Variants in PAN3 observed in about 807,000 individuals in gnomAD.
PAN3 encodes poly(A) specific ribonuclease subunit PAN3, also known as PAN2-PAN3 deadenylation complex subunit PAN3.
PAN3 carries 19 observed loss-of-function variants against 96.2 expected under a neutral mutation model. The observed-to-expected ratio is 0.20, with a 90% CI of 0.14 to 0.29. The LOEUF (loss-of-function observed/expected upper bound fraction) is 0.29. Among genes scored for constraint, PAN3 ranks in the 10% least tolerant of loss-of-function variants. The probability of loss-of-function intolerance (pLI) is 1.00; values close to 1 mark genes in which losing one functional copy is unlikely to be tolerated. For synonymous variants in PAN3, 433 were observed against 406.6 expected (o/e 1.06, Z -0.78); for missense variants, 882 against 1,108.1 (o/e 0.80, Z 2.90).
At chr13:28,256,994 T>C (rs533076594) in intron 7 of PAN3, among the ~76,000 whole-genome samples, 7 of 152,164 alleles carry the variant, frequency 4.6e-5, no homozygotes, top group Non-Finnish European at 8.8e-5. Context: ...GATCTGTGGA[T>C]GGTGGAGTGA....
intron 5 of PAN3, among the ~76,000 whole-genome samples, chr13:28,201,185 T>C (rs983846862): frequency 5.3e-5 from 8 of 151,562 alleles, no homozygotes; most frequent in African/African-American, 1.9e-4. Context: ...CAGGCACATA[T>C]CACTGCACCC....
At chr13:28,220,128 A>C (rs759361693) in intron 5 of PAN3, 103 bp from the exon 6 acceptor site, 52 of 1,105,696 alleles carry the variant, frequency 4.7e-5, no homozygotes, top group Middle Eastern at 2.4e-4. Flanking sequence ...TTTCAATAAT[A>C]TATTTTACTT....
intron 5 of PAN3, among the ~76,000 whole-genome samples, chr13:28,205,548 A>G (rs1028563429): frequency 1.3e-5 from 2 of 152,162 alleles, no homozygotes; most frequent in Non-Finnish European, 2.9e-5. Flanking sequence ...TAGAAAGAAT[A>G]AAGTGTGGGC....
At chr13:28,292,152 TACAA>T (rs1256167829) in intron 18 of PAN3, among the ~76,000 whole-genome samples, 1 of 152,116 alleles carries the variant, frequency 6.6e-6, no homozygotes, top group Non-Finnish European at 1.5e-5. Context: ...TAAACTATAA[TACAA>T]ACAAACGTTA....
intron 5 of PAN3, among the ~76,000 whole-genome samples, chr13:28,216,080 C>G (rs1242951842): frequency 1.4e-5 from 2 of 140,900 alleles, no homozygotes; most frequent in African/African-American, 5.8e-5. Context: ...TGTTTTTTTT[C>G]TTTTTTCTTT....
chr13:28,146,390 C>T (rs1566134036), intron 1 of PAN3, among the ~76,000 whole-genome samples: 2 of 151,786 alleles, frequency 1.3e-5, no homozygotes, highest in African/African-American at 4.8e-5. Flanking sequence ...CCCTGCCCCT[C>T]CTCCCCCCAT....
At chr13:28,151,291 A>AGGTG (rs1327516803) in intron 1 of PAN3, among the ~76,000 whole-genome samples, 6 of 152,116 alleles carry the variant, frequency 3.9e-5, no homozygotes, top group African/African-American at 1.4e-4. Context: ...CGAGGTGGGC[A>AGGTG]GATCACCAGG....
intron 12 of PAN3, among the ~76,000 whole-genome samples, chr13:28,270,427 TTAAG>T (rs1345727514): frequency 6.6e-6 from 1 of 152,212 alleles, no homozygotes; most frequent in Non-Finnish European, 1.5e-5. Flanking sequence ...AATTCTTACT[TTAAG>T]TAATTTTTAT....
chr13:28,196,511 A>G (rs552501838), intron 4 of PAN3, among the ~76,000 whole-genome samples: 2 of 151,504 alleles, frequency 1.3e-5, no homozygotes, highest in South Asian at 4.2e-4. Context: ...ATCTGTTCAT[A>G]TTATTGAGAT....
At chr13:28,181,342 C>T (rs999782181) in intron 4 of PAN3, among the ~76,000 whole-genome samples, 1 of 151,834 alleles carries the variant, frequency 6.6e-6, no homozygotes, top group African/African-American at 2.4e-5. Flanking sequence ...GACCTGGTCT[C>T]TACTAAAAGC....
chr13:28,263,725 A>C (rs760144715), intron 9 of PAN3, among the ~76,000 whole-genome samples: 4 of 152,242 alleles, frequency 2.6e-5, no homozygotes, highest in African/African-American at 7.2e-5. Flanking sequence ...AAGAACTTAC[A>C]TGTCTAAAAC....
chr13:28,229,656 A>G (rs1593518950), intron 6 of PAN3, among the ~76,000 whole-genome samples: 2 of 152,344 alleles, frequency 1.3e-5, no homozygotes, highest in Non-Finnish European at 1.5e-5. Context: ...GCCTGAAAGT[A>G]GTGCCTTGAA....
chr13:28,167,333 T>C (rs1429937443), intron 1 of PAN3, among the ~76,000 whole-genome samples: 2 of 151,866 alleles, frequency 1.3e-5, no homozygotes, highest in Non-Finnish European at 2.9e-5. Flanking sequence ...CTGATGTTTG[T>C]ATTTTTAGTA....
chr13:28,179,385 A>G (rs1875467112), intron 4 of PAN3, among the ~76,000 whole-genome samples: 1 of 152,218 alleles, frequency 6.6e-6, no homozygotes, highest in Admixed American at 6.5e-5. Flanking sequence ...AAATTTTCTT[A>G]GGTATTCCCT....
intron 5 of PAN3, 134 bp downstream of exon 5, chr13:28,197,480 C>A: frequency 1.2e-6 from 1 of 813,616 alleles, no homozygotes; most frequent in Non-Finnish European, 1.8e-6. Context: ...AATTTTTAAT[C>A]AGAATAAAGT....
At chr13:28,270,899 T>G in intron 13 of PAN3, 33 bp downstream of exon 13, 1 of 1,596,990 alleles carries the variant, frequency 6.3e-7, no homozygotes, top group South Asian at 1.1e-5. Context: ...TTTCTTTTAT[T>G]GAGCGTCTTA....
At chr13:28,210,557 A>T (rs1019275191) in intron 5 of PAN3, among the ~76,000 whole-genome samples, 72 of 152,224 alleles carry the variant, frequency 4.7e-4, no homozygotes, top group Non-Finnish European at 7.2e-4. Context: ...AAACTATATT[A>T]TTAGACTAAT....
chr13:28,275,515 A>G (rs1204791336), intron 14 of PAN3, among the ~76,000 whole-genome samples: 1 of 152,188 alleles, frequency 6.6e-6, no homozygotes, highest in African/African-American at 2.4e-5. Flanking sequence ...ATAAATAACA[A>G]CAATCTTTGG....
chr13:28,163,229 A>G (rs1194621082), intron 1 of PAN3, among the ~76,000 whole-genome samples: 2 of 152,206 alleles, frequency 1.3e-5, no homozygotes, highest in African/African-American at 2.4e-5. Context: ...AGATAAGATA[A>G]TTTACATTAG....
Sources: gnomAD v4.1 joint callset for allele counts (sites outside exome capture counted in the v4.1 genomes callset) on GRCh38, gnomAD v4.1.1 for gene constraint, MANE v1.5 for transcripts, NCBI Gene and HGNC (gene_info 2026-07-23, HGNC 2026-07-21) for gene names.